The following KIAA1958 variants were observed in gnomAD, a reference collection of about 807,000 sequenced individuals.
The protein encoded by KIAA1958 is KIAA1958.
Under a neutral mutation model 47.2 loss-of-function variants are expected in KIAA1958, and 14 were observed. The observed-to-expected ratio is 0.30, with a 90% confidence interval of 0.20 to 0.46. The LOEUF (loss-of-function observed/expected upper bound fraction) is 0.46. KIAA1958 is among the 20% of genes least tolerant of loss of function. The pLI is 1.00. For missense variants in KIAA1958, 803 were observed against 909.2 expected (o/e 0.88, Z 1.50); for synonymous variants, 354 against 353.3 (o/e 1.00, Z -0.02).
intron 1 of KIAA1958, among the ~76,000 whole-genome samples, chr9:112,557,766 C>A (rs939978073): frequency 4.7e-4 from 72 of 152,258 alleles, no homozygotes; most frequent in African/African-American, 1.7e-3. Flanking sequence ...ACATGAAAAA[C>A]AAAAATATCA....
intron 2 of KIAA1958, chr9:112,582,006 A>T (rs1311433815): frequency 1.2e-5 from 3 of 251,026 alleles, no homozygotes; most frequent in African/African-American, 6.8e-5. Context: ...AACTCACTGC[A>T]GTTGAGCAGC....
chr9:112,643,348 A>G (rs1328723954), intron 2 of KIAA1958, among the ~76,000 whole-genome samples: 5 of 152,220 alleles, frequency 3.3e-5, no homozygotes, highest in South Asian at 2.1e-4. Context: ...AGTTACTTAC[A>G]TGTATGAGGC....
intron 1 of KIAA1958, among the ~76,000 whole-genome samples, chr9:112,513,400 G>A (rs1834356410): frequency 6.7e-6 from 1 of 149,044 alleles, no homozygotes; most frequent in Non-Finnish European, 1.5e-5. Flanking sequence ...GAGGCTCAGG[G>A]GAGAGCGAGC....
rs571790297 is a variant in KIAA1958, at chr9:112,629,173, ATAATT to A, written c.1172-16473_1172-16469del. On this transcript the variant is annotated intron_variant, in intron 2 of 3. Coordinates refer to ENST00000337530, the MANE Select transcript of KIAA1958 (RefSeq NM_133465.4). ...AAAAAGATTTATCAATTTAGTCACTATAATTTAAGGCCAGGCATCTGCTTGGAAAT... is the reference window on the plus strand; with the variant it reads ...AAAAAGATTTATCAATTTAGTCACTATAAGGCCAGGCATCTGCTTGGAAAT... 6.6e-5 allele frequency among the ~76,000 whole-genome samples: 10 copies of A among 152,234 alleles called. No individual in the cohort carries two copies. The South Asian group carries it at 1.2e-3, about 19-fold the overall frequency.
chr9:112,527,936 CAAAAA>C (rs34568466), intron 1 of KIAA1958, among the ~76,000 whole-genome samples: 2 of 124,950 alleles, frequency 1.6e-5, no homozygotes, highest in Admixed American at 8.0e-5. Flanking sequence ...GACCCTTTCT[CAAAAA>C]AAAAAAAAAA....
At position 112,662,072 on chromosome 9, in the gene KIAA1958, T is replaced by G. The variant is rs1483259943; in HGVS notation, c.*2003T>G. Reference sequence around the variant, plus strand: ...ACTGGGATCTTTTCGGATTTTGACCTTTTCAAAGGTAGCAATAACTACTCC... The same window carrying G: ...ACTGGGATCTTTTCGGATTTTGACCGTTTCAAAGGTAGCAATAACTACTCC... On this transcript the variant is annotated 3_prime_UTR_variant, in exon 4 of 4. Coordinates refer to ENST00000337530, the MANE Select transcript of KIAA1958 (RefSeq NM_133465.4). The G allele has an allele frequency of 6.6e-6, 1 of 152,224 alleles. No individual in the cohort carries two copies. The highest frequency in any genetic ancestry group is 1.5e-5 in the Non-Finnish European group (1 of 68,050). The allele number at this position is 152,224 out of a possible 1,614,324, so 9.4% of individuals were successfully genotyped here.
intron 3 of KIAA1958, among the ~76,000 whole-genome samples, chr9:112,647,110 C>T (rs962694883): frequency 4.0e-5 from 6 of 151,782 alleles, no homozygotes; most frequent in African/African-American, 1.5e-4. Context: ...CACCATGGTA[C>T]ACTACATAGT....
chr9:112,589,736 G>A (rs142583181), intron 2 of KIAA1958, among the ~76,000 whole-genome samples: 1 of 152,332 alleles, frequency 6.6e-6, no homozygotes, highest in African/African-American at 2.4e-5. Flanking sequence ...TCCAGAGCAG[G>A]TAGAGAGCTG....
At chr9:112,643,541 G>A (rs939143748) in intron 2 of KIAA1958, among the ~76,000 whole-genome samples, 1 of 152,210 alleles carries the variant, frequency 6.6e-6, no homozygotes, top group Non-Finnish European at 1.5e-5. Flanking sequence ...GAGTTATCCA[G>A]GTTGATGGGG....
Position 112,500,279 on chromosome 9 carries a change from T to A in KIAA1958, c.-25+13161T>A, listed in dbSNP as rs187042742. Reference sequence around the variant, plus strand: ...CCATGCCCAGCTAATTTTTGAATTTTTAGTAGAGATGGGGTTTCGCCATGT... The same window carrying A: ...CCATGCCCAGCTAATTTTTGAATTTATAGTAGAGATGGGGTTTCGCCATGT... On this transcript the variant is annotated intron_variant, in intron 1 of 3. Transcript: ENST00000337530. Among the ~76,000 whole-genome samples the A allele has an allele frequency of 5.0e-3, 760 of 152,152 alleles. 11 individuals are homozygous for A. Among genetic ancestry groups the A allele is most frequent in the African/African-American group, 0.017 (719 of 41,494 alleles).
At chr9:112,509,331 G>A (rs1160100009) in intron 1 of KIAA1958, among the ~76,000 whole-genome samples, 1 of 151,682 alleles carries the variant, frequency 6.6e-6, no homozygotes, top group Non-Finnish European at 1.5e-5. Context: ...CTCCCAAGTA[G>A]CTGGGATTAC....
intron 1 of KIAA1958, among the ~76,000 whole-genome samples, chr9:112,554,248 C>T (rs558595585): frequency 6.6e-6 from 1 of 152,104 alleles, no homozygotes; most frequent in East Asian, 1.9e-4. Context: ...GTCTGTAATC[C>T]CAACACTTTG....
intron 1 of KIAA1958, among the ~76,000 whole-genome samples, chr9:112,568,935 C>CAAAAAAAAAAAAAAAAAAAAAA (rs1835481168): frequency 7.0e-4 from 2 of 2,848 alleles, no homozygotes; most frequent in Non-Finnish European, 1.3e-3. Context: ...AATAGGAAAA[C>CAAAAAAAAAAAAAAAAAAAAAA]TAAAAAAAAA....
Position 112,574,663 on chromosome 9 carries a change from A to G in KIAA1958, c.583A>G (p.Ser195Gly), listed in dbSNP as rs374506605. The change falls in exon 2 of 4, where the codon AGC becomes GGC. Residue 195 changes from serine (S) to glycine (G), a missense_variant. By Grantham distance (56) the Ser-to-Gly change is moderately conservative (BLOSUM62 0). Transcript: ENST00000337530. The stretch of plus-strand genomic sequence containing the variant: ...CCAGACGCAGATGGTTGACGAATGC[A>G]GCAATGATGTCATCATCAAGAAAAT... ...SSQTQMVDEC[S>G]NDVIIKKIKQ... is the part of the protein sequence containing the mutation. The G allele has an allele frequency of 5.0e-5, 81 of 1,614,078 alleles. No individual in the cohort carries two copies. The highest frequency in any genetic ancestry group is 6.4e-5 in the Non-Finnish European group (76 of 1,180,026).
chr9:112,487,421 C>T lies in KIAA1958; in HGVS notation c.-25+303C>T, dbSNP rs564680078. Among the ~76,000 whole-genome samples the T allele has an allele frequency of 2.0e-5, 3 of 152,062 alleles. No individual in the cohort carries two copies. The South Asian group carries it at 6.2e-4, about 32-fold the overall frequency. ...CGCCCCGCCGCCCGGCAGCTCGGGT[C>T]TCAGCGGCGGCTGCAGGCGCAGTGC... On this transcript the variant is annotated intron_variant, in intron 1 of 3. Coordinates refer to ENST00000337530, the MANE Select transcript of KIAA1958 (RefSeq NM_133465.4).
intron 1 of KIAA1958, among the ~76,000 whole-genome samples, chr9:112,544,026 TGGATG>T (rs1834988576): frequency 6.6e-6 from 1 of 152,232 alleles, no homozygotes; most frequent in Non-Finnish European, 1.5e-5. Flanking sequence ...CTAAAGGATA[TGGATG>T]GTAAGCCTTG....
chr9:112,511,299 C>T (rs144076035), intron 1 of KIAA1958, among the ~76,000 whole-genome samples: 4 of 152,170 alleles, frequency 2.6e-5, no homozygotes, highest in African/African-American at 7.2e-5. Context: ...GGGGTGAGGG[C>T]GGACAGTCTG....
At chr9:112,631,705 G>A (rs866400574) in intron 2 of KIAA1958, among the ~76,000 whole-genome samples, 10 of 152,026 alleles carry the variant, frequency 6.6e-5, no homozygotes, top group African/African-American at 1.4e-4. Flanking sequence ...AGATAAGAAC[G>A]TTTAACTTTT....
chr9:112,557,356 G>A (rs1835260364), intron 1 of KIAA1958, among the ~76,000 whole-genome samples: 1 of 152,138 alleles, frequency 6.6e-6, no homozygotes, highest in South Asian at 2.1e-4. Flanking sequence ...CCTGCATTCA[G>A]GACTTAGAGA....
Sources: gnomAD v4.1 joint callset for allele counts (sites outside exome capture counted in the v4.1 genomes callset) on GRCh38, gnomAD v4.1.1 for gene constraint, MANE v1.5 for transcripts, NCBI Gene and HGNC (gene_info 2026-07-23, HGNC 2026-07-21) for gene names.